Variants in GLI2 observed in about 807,000 individuals in gnomAD.
The protein encoded by GLI2 is GLI family zinc finger 2, also known as transcription activator GLI2.
Under a neutral mutation model 78.9 loss-of-function variants are expected in GLI2, and 22 were observed. The ratio of observed to expected loss-of-function variants is 0.28; its 90% confidence interval spans 0.20 to 0.40. The LOEUF (loss-of-function observed/expected upper bound fraction) is 0.40. Ranked by LOEUF, GLI2 falls within the 10% of genes least tolerant of loss-of-function variation. GLI2 has a pLI of 1.00. For synonymous variants in GLI2, 974 were observed against 963.7 expected (o/e 1.01, Z -0.20); for missense variants, 2,097 against 2,213.2 (o/e 0.95, Z 1.05).
intron 2 of GLI2, among the ~76,000 whole-genome samples, chr2:120,809,923 C>G (rs1037647127): frequency 3.3e-5 from 5 of 152,136 alleles, no homozygotes; most frequent in African/African-American, 1.2e-4. Flanking sequence ...GAACCTGAAT[C>G]ATTGACTGTG....
rs1679695143 is a variant in GLI2 at position 120,926,730 on chromosome 2, G to T, written c.149-631G>T. On this transcript the variant is annotated intron_variant, in intron 2 of 13. Coordinates refer to ENST00000361492, the MANE Select transcript of GLI2 (RefSeq NM_001374353.1). Reference sequence around the variant, plus strand: ...CAGCTCTGGAAACTGACACGCACGTGCTGGCGTTTTCGATCCTGGGGGCAC... The same window carrying T: ...CAGCTCTGGAAACTGACACGCACGTTCTGGCGTTTTCGATCCTGGGGGCAC... Among the ~76,000 whole-genome samples the T allele has an allele frequency of 5.3e-5, 8 of 152,224 alleles. 1 individual carries two copies. Among genetic ancestry groups the T allele is most frequent in the Admixed American group, 5.2e-4 (8 of 15,288 alleles).
rs534712244 is a variant in GLI2 at position 120,757,780 on chromosome 2, C to T, written c.-31+21495C>T. 5.3e-5 allele frequency among the ~76,000 whole-genome samples: 8 copies of T among 152,358 alleles called. No homozygotes were observed. In the South Asian group the frequency reaches 1.7e-3, roughly 32 times the overall value. ...CCAAGCTCTGCCTGGTTACCCCTCC[C>T]TGTGCCGTGGCCTGGAAACACTCTC... On this transcript the variant is annotated intron_variant, in intron 1 of 13. Coordinates refer to ENST00000361492, the MANE Select transcript of GLI2 (RefSeq NM_001374353.1).
intron 11 of GLI2, among the ~76,000 whole-genome samples, chr2:120,983,938 G>GTA (rs1682834781): frequency 1.6e-5 from 1 of 61,892 alleles, no homozygotes; most frequent in Non-Finnish European, 3.2e-5. Flanking sequence ...TGTAGACGTG[G>GTA]TGTGTGGGGT....
At chr2:120,825,984 C>G (rs1686036512) in intron 2 of GLI2, among the ~76,000 whole-genome samples, 1 of 152,234 alleles carries the variant, frequency 6.6e-6, no homozygotes, top group African/African-American at 2.4e-5. Flanking sequence ...GGATAGGATG[C>G]TGGGTGAGAA....
At position 120,990,516 on chromosome 2, in the gene GLI2, C is replaced by T; in HGVS notation, c.4551C>T (p.Leu1517=). 1.9e-6 allele frequency: 3 copies of T among 1,614,134 alleles called. No individual in the cohort carries two copies. The highest frequency in any genetic ancestry group is 2.5e-6 in the Non-Finnish European group (3 of 1,180,020). The change falls in exon 14 of 14, where the codon CTC becomes CTT. Residue 1517 remains leucine, a synonymous_variant. Transcript: ENST00000361492. ...CGGGTGCTCTGAGCCCCAGCCTCCT[C>T]CACAGCCTCTCCCAGAACTCCTCCC... ...LFSGALSPSL[L]HSLSQNSSRL... is the part of the protein sequence containing the mutation.
At chr2:120,936,022 G>T in intron 3 of GLI2, among the ~76,000 whole-genome samples, 1 of 151,858 alleles carries the variant, frequency 6.6e-6, no homozygotes. Context: ...TGGGGGAGGG[G>T]CTGCGGCAGG....
At position 120,768,799 on chromosome 2, in the gene GLI2, C is replaced by CTGTGTGTG. The variant is rs5833852; in HGVS notation, c.-30-28469_-30-28462dup. On this transcript the variant is annotated intron_variant, in intron 1 of 13. Transcript: ENST00000361492. ...CTCCTGCCTGAAAGAGGCCCCGCCC[C>CTGTGTGTG]TGTGTGTGTGTGTGTGTGTGTGTGT... Among the ~76,000 whole-genome samples, 872 of 147,714 alleles carry CTGTGTGTG rather than the reference C, an allele frequency of 5.9e-3. 3 individuals carry two copies. Among genetic ancestry groups the CTGTGTGTG allele is most frequent in the African/African-American group, 0.019 (768 of 40,032 alleles).
chr2:120,776,333 T>A (rs986829950), intron 1 of GLI2, among the ~76,000 whole-genome samples: 2 of 152,218 alleles, frequency 1.3e-5, no homozygotes, highest in African/African-American at 4.8e-5. Flanking sequence ...CTCCTTCCAG[T>A]CTGTCAGCTT....
At chr2:120,932,173 G>T (rs190519314) in intron 3 of GLI2, among the ~76,000 whole-genome samples, 10 of 152,308 alleles carry the variant, frequency 6.6e-5, no homozygotes, top group Admixed American at 3.9e-4. Flanking sequence ...GTTGTAGCTC[G>T]CTTCTCCCTG....
Position 120,982,825 on chromosome 2 carries a change from C to T in GLI2, c.1577C>T (p.Ala526Val). 1.9e-6 allele frequency: 3 copies of T among 1,614,176 alleles called. No homozygotes were observed. Among genetic ancestry groups the T allele is most frequent in the Non-Finnish European group, 2.5e-6 (3 of 1,180,006 alleles). ...TGTGAGCACGAGGGCTGCAACAAAG[C>T]CTTCTCCAACGCCTCGGACCGCGCC... ...YVCEHEGCNK[A>V]FSNASDRAKH... Residue 526 changes from alanine (A) to valine (V), a missense_variant, in exon 11 of 14, where the codon GCC (alanine) becomes GTC (valine). By Grantham distance (64) the Ala-to-Val change is moderately conservative. Transcript: ENST00000361492.
intron 2 of GLI2, among the ~76,000 whole-genome samples, chr2:120,820,427 TC>T (rs1161153812): frequency 2.0e-5 from 3 of 152,096 alleles, no homozygotes; most frequent in East Asian, 1.9e-4. Context: ...GAGCATTAGT[TC>T]CCCCCTCTCC....
intron 2 of GLI2, among the ~76,000 whole-genome samples, chr2:120,824,258 GGA>G (rs1685927091): frequency 6.6e-6 from 1 of 152,174 alleles, no homozygotes; most frequent in African/African-American, 2.4e-5. Flanking sequence ...GTAAGTAGGG[GGA>G]TAGAGAGGGA....
At chr2:120,887,940 C>T (rs989600476) in intron 2 of GLI2, among the ~76,000 whole-genome samples, 1 of 152,208 alleles carries the variant, frequency 6.6e-6, no homozygotes. Flanking sequence ...CCACTCCAAG[C>T]CAGGGAGAGG....
chr2:120,885,503 C>T (rs1677353154), intron 2 of GLI2, among the ~76,000 whole-genome samples: 1 of 152,216 alleles, frequency 6.6e-6, no homozygotes, highest in Non-Finnish European at 1.5e-5. Context: ...TCTGGGGCAG[C>T]GTGTGTTTTC....
chr2:120,883,077 A>G (rs568216571), intron 2 of GLI2, among the ~76,000 whole-genome samples: 2 of 152,328 alleles, frequency 1.3e-5, no homozygotes, highest in East Asian at 1.9e-4. Flanking sequence ...TATAAATGGC[A>G]TCATAAAGTA....
At chr2:120,929,538 T>C (rs1222280362) in intron 3 of GLI2, among the ~76,000 whole-genome samples, 2 of 152,252 alleles carry the variant, frequency 1.3e-5, no homozygotes, top group African/African-American at 2.4e-5. Flanking sequence ...CATTTCTTTG[T>C]ATATTTGGTT....
chr2:120,785,446 A>G (rs1161717154), intron 1 of GLI2, among the ~76,000 whole-genome samples: 1 of 152,204 alleles, frequency 6.6e-6, no homozygotes, highest in Non-Finnish European at 1.5e-5. Flanking sequence ...AGGCACAGAC[A>G]GAAGGGCTGG....
chr2:120,924,391 G>A (rs947385024), intron 2 of GLI2, among the ~76,000 whole-genome samples: 3 of 152,138 alleles, frequency 2.0e-5, no homozygotes, highest in Non-Finnish European at 4.4e-5. Flanking sequence ...CAGAGCCTTC[G>A]ATTCTCCTCT....
In GLI2 at chr2:120,988,546, C is replaced by A; in HGVS notation, c.2581C>A (p.Leu861Met). 2 of 1,503,064 alleles carry A rather than the reference C, an allele frequency of 1.3e-6. No individual in the cohort carries two copies. The highest frequency in any genetic ancestry group is 1.8e-6 in the Non-Finnish European group (2 of 1,133,000). The allele number at this position is 1,503,064 out of a possible 1,614,324, so 93.1% of individuals were successfully genotyped here. A position where few individuals can be genotyped will look rare whatever the true frequency, so the allele number is the denominator to read the frequency against. Reference protein sequence around the residue: ...EASQCSGGSGLLNLTPAQQYS... With the variant: ...EASQCSGGSGMLNLTPAQQYS... ...CAGCCAGTGCAGCGGCGGCTCCGGG[C>A]TGCTCAACCTCACGCCGGCGCAGCA... The change falls in exon 14 of 14, where the codon CTG becomes ATG. Residue 861 changes from leucine (L) to methionine (M), a missense_variant. By Grantham distance (15) the Leu-to-Met change is conservative. Coordinates refer to ENST00000361492, the MANE Select transcript of GLI2 (RefSeq NM_001374353.1).
Sources: gnomAD v4.1 joint callset for allele counts (sites outside exome capture counted in the v4.1 genomes callset) on GRCh38, gnomAD v4.1.1 for gene constraint, MANE v1.5 for transcripts, NCBI Gene and HGNC (gene_info 2026-07-23, HGNC 2026-07-21) for gene names.